DAB1: variants seen among roughly 807,000 people sequenced by gnomAD.
The protein encoded by DAB1 is DAB adaptor protein 1, also known as disabled homolog 1.
DAB1 carries 15 observed loss-of-function variants against 64.6 expected under a neutral mutation model. The ratio of observed to expected loss-of-function variants is 0.23; its 90% CI spans 0.16 to 0.36. The LOEUF (loss-of-function observed/expected upper bound fraction) is 0.36. Ranked by LOEUF, DAB1 falls within the 10% of genes least tolerant of loss-of-function variation. The pLI, the probability that DAB1 is intolerant of heterozygous loss-of-function variation, is 1.00. For synonymous variants in DAB1, 235 were observed against 251.9 expected (o/e 0.93, Z 0.64); for missense variants, 596 against 706.7 (o/e 0.84, Z 1.78).
At chr1:58,102,365 G>A (rs147122514) in intron 5 of DAB1, among the ~76,000 whole-genome samples, 25 of 152,224 alleles carry the variant, frequency 1.6e-4, no homozygotes, top group Admixed American at 4.6e-4. Context: ...GCTGTACCCC[G>A]GAGAGCACTT....
chr1:58,196,649 TGAA>T (rs1657692991), intron 4 of DAB1, among the ~76,000 whole-genome samples: 1 of 151,858 alleles, frequency 6.6e-6, no homozygotes, highest in South Asian at 2.1e-4. Context: ...CAGCAGAAGG[TGAA>T]GGAGAAGCAA....
intron 7 of DAB1, among the ~76,000 whole-genome samples, chr1:57,449,564 A>C (rs1393678896): frequency 6.6e-6 from 1 of 151,992 alleles, no homozygotes; most frequent in African/African-American, 2.4e-5. Context: ...TTTTTTGTAG[A>C]GATGGGGTCT....
At chr1:58,292,737 G>A (rs1661875723) in intron 4 of DAB1, among the ~76,000 whole-genome samples, 1 of 152,118 alleles carries the variant, frequency 6.6e-6, no homozygotes, top group African/African-American at 2.4e-5. Flanking sequence ...CAGACCAAAA[G>A]GTGGAGAAAG....
intron 5 of DAB1, among the ~76,000 whole-genome samples, chr1:58,149,472 G>C (rs563576511): frequency 6.6e-6 from 1 of 152,260 alleles, no homozygotes; most frequent in South Asian, 2.1e-4. Context: ...TCTGCCCTTA[G>C]TGATAGTTAC....
chr1:57,463,722 C>T (rs1030555350), intron 7 of DAB1, among the ~76,000 whole-genome samples: 1 of 152,222 alleles, frequency 6.6e-6, no homozygotes, highest in African/African-American at 2.4e-5. Context: ...CCACTCCACT[C>T]TACTGCATAC....
chr1:58,395,355 G>A (rs1644511385), intron 3 of DAB1, among the ~76,000 whole-genome samples: 1 of 152,152 alleles, frequency 6.6e-6, no homozygotes, highest in South Asian at 2.1e-4. Context: ...ACAAGTTATA[G>A]TACTTTGTGC....
At chr1:57,423,333 G>A (rs1273152647) in intron 1 of DAB1, among the ~76,000 whole-genome samples, 1 of 152,046 alleles carries the variant, frequency 6.6e-6, no homozygotes, top group African/African-American at 2.4e-5. Context: ...AGAAAGGCCG[G>A]GGTCCGAGGA....
At chr1:58,039,988 C>T (rs1647110161) in intron 5 of DAB1, among the ~76,000 whole-genome samples, 1 of 152,072 alleles carries the variant, frequency 6.6e-6, no homozygotes, top group Non-Finnish European at 1.5e-5. Flanking sequence ...TAAAATTTTA[C>T]CTATTGCTTC....
intron 3 of DAB1, among the ~76,000 whole-genome samples, chr1:57,143,540 G>T (rs986694804): frequency 4.6e-5 from 7 of 151,880 alleles, no homozygotes; most frequent in African/African-American, 1.7e-4. Context: ...TAGTAAATAC[G>T]TAACTATTAA....
At chr1:58,322,611 G>A (rs1287820044) in intron 4 of DAB1, among the ~76,000 whole-genome samples, 1 of 152,192 alleles carries the variant, frequency 6.6e-6, no homozygotes, top group Non-Finnish European at 1.5e-5. Flanking sequence ...AGAGGATGTG[G>A]AGAAATAGGA....
intron 6 of DAB1, among the ~76,000 whole-genome samples, chr1:57,796,895 C>T (rs569696392): frequency 1.3e-5 from 2 of 152,246 alleles, no homozygotes; most frequent in African/African-American, 4.8e-5. Context: ...GTTCACTGAC[C>T]AGTCATTTCT....
In DAB1 at chr1:57,255,305, G is replaced by A. The variant is rs1298788296; in HGVS notation, c.67+35659C>T. On this transcript the variant is annotated intron_variant, in intron 2 of 14. Coordinates refer to ENST00000371236, the MANE Select transcript of DAB1 (RefSeq NM_001365792.1). Reference sequence around the variant, plus strand: ...TTTTATCATATACTTTATCTTCTATGAATCCCAAACAATGCATCTCCTCTA... The same window carrying A: ...TTTTATCATATACTTTATCTTCTATAAATCCCAAACAATGCATCTCCTCTA... Among the ~76,000 whole-genome samples, 4 of 152,090 alleles carry A rather than the reference G, an allele frequency of 2.6e-5. No homozygotes were observed. The East Asian group carries it at 7.7e-4, about 29-fold the overall frequency.
intron 7 of DAB1, among the ~76,000 whole-genome samples, chr1:57,543,943 C>CA (rs1444926652): frequency 3.3e-5 from 5 of 151,432 alleles, no homozygotes; most frequent in Admixed American, 6.6e-5. Context: ...CCCATCTCTA[C>CA]AAAAAAAATT....
intron 2 of DAB1, among the ~76,000 whole-genome samples, chr1:57,177,988 C>G (rs1662509646): frequency 6.6e-6 from 1 of 152,042 alleles, no homozygotes; most frequent in East Asian, 1.9e-4. Flanking sequence ...TTATAAAAAC[C>G]TGAGAATATA....
At chr1:58,068,278 G>A (rs928488191) in intron 5 of DAB1, among the ~76,000 whole-genome samples, 8 of 152,206 alleles carry the variant, frequency 5.3e-5, no homozygotes, top group South Asian at 2.1e-4. Context: ...CATCTCTATC[G>A]TTCTGAGGTA....
At chr1:58,237,301 T>C (rs1284917015) in intron 4 of DAB1, among the ~76,000 whole-genome samples, 2 of 152,176 alleles carry the variant, frequency 1.3e-5, no homozygotes, top group East Asian at 1.9e-4. Context: ...TGAAAATGCA[T>C]GTACTCTATG....
chr1:58,242,078 G>A (rs1435888145), intron 4 of DAB1, among the ~76,000 whole-genome samples: 1 of 151,958 alleles, frequency 6.6e-6, no homozygotes. Context: ...CCTATCAGAT[G>A]GAAAATGGTG....
rs540887981 is a variant in DAB1, at chr1:57,351,852, T to C, written c.-136-60686A>G. ...TAAAACACCCACACATGTTTATTTG[T>C]CATTTCTCCCTGCTCAGAAATAACT... On this transcript the variant is annotated intron_variant, in intron 1 of 14. Transcript: ENST00000371236. 2.6e-5 allele frequency among the ~76,000 whole-genome samples: 4 copies of C among 152,298 alleles called. No homozygotes were observed. The East Asian group carries it at 7.7e-4, about 29-fold the overall frequency.
At chr1:58,121,250 A>C (rs1258956493) in intron 5 of DAB1, among the ~76,000 whole-genome samples, 1 of 152,152 alleles carries the variant, frequency 6.6e-6, no homozygotes, top group Non-Finnish European at 1.5e-5. Context: ...CATGAGCTGG[A>C]TCATGTCACT....
Sources: allele counts gnomAD v4.1 joint callset (sites outside exome capture counted in the v4.1 genomes callset), GRCh38; gene constraint gnomAD v4.1.1; transcripts MANE v1.5; gene names NCBI Gene and HGNC (gene_info 2026-07-23, HGNC 2026-07-21).